Variants in CHD1 observed in about 807,000 individuals in gnomAD.
CHD1 encodes the protein ATP-dependent chromatin remodeler CHD1.
A neutral mutation model predicts 224.2 loss-of-function variants in CHD1; 36 were observed. The observed-to-expected ratio is 0.16, with a 90% CI of 0.12 to 0.21. The LOEUF (loss-of-function observed/expected upper bound fraction) is 0.21. CHD1 is among the 10% of genes least tolerant of loss of function. The pLI, the probability that CHD1 is intolerant of heterozygous loss-of-function variation, is 1.00. For synonymous variants in CHD1, 668 were observed against 658.3 expected (o/e 1.01, Z -0.23); for missense variants, 1,378 against 1,994.8 (o/e 0.69, Z 5.89).
At chr5:98,875,024 A>C (rs1029765501) in intron 25 of CHD1, 48 bp downstream of exon 25, 5 of 924,514 alleles carry the variant, frequency 5.4e-6, no homozygotes, top group Admixed American at 2.2e-5. Flanking sequence ...TAAAGGTGAC[A>C]GCATGTAACA....
intron 28 of CHD1, among the ~76,000 whole-genome samples, chr5:98,871,153 G>A (rs190520245): frequency 1.4e-4 from 21 of 151,766 alleles, no homozygotes; most frequent in African/African-American, 4.6e-4. Context: ...CAGTAAAAGT[G>A]TACTTATATA....
chr5:98,884,078 GTTTTTTT>G (rs201222124), intron 18 of CHD1, among the ~76,000 whole-genome samples: 1 of 130,956 alleles, frequency 7.6e-6, no homozygotes, highest in Non-Finnish European at 1.7e-5. Context: ...TTTGTTTTTT[GTTTTTTT>G]TTTTTTGAGA....
At chr5:98,889,764 G>C (rs1750889089) in intron 15 of CHD1, 1 of 151,966 alleles carries the variant, frequency 6.6e-6, no homozygotes, top group African/African-American at 2.4e-5. Context: ...ACTAAAACTG[G>C]ACCAATACAG....
intron 2 of CHD1, among the ~76,000 whole-genome samples, chr5:98,908,454 T>C (rs1003779823): frequency 1.3e-5 from 2 of 152,188 alleles, no homozygotes; most frequent in African/African-American, 4.8e-5. Context: ...AGACCTTATG[T>C]TCCTTGAGCG....
intron 25 of CHD1, among the ~76,000 whole-genome samples, chr5:98,874,386 G>A (rs990174779): frequency 1.3e-5 from 2 of 151,976 alleles, no homozygotes; most frequent in South Asian, 4.2e-4. Flanking sequence ...ATAAGAGAAT[G>A]AATTTGAGAA....
At chr5:98,890,769 TAC>T (rs1251677710) in intron 15 of CHD1, among the ~76,000 whole-genome samples, 2 of 152,166 alleles carry the variant, frequency 1.3e-5, no homozygotes, top group Non-Finnish European at 2.9e-5. Context: ...CTGTAGGAAA[TAC>T]AGAGGATACT....
At chr5:98,873,859 A>G (rs949433036) in intron 25 of CHD1, 136 bp from the exon 26 acceptor site, 6 of 650,044 alleles carry the variant, frequency 9.2e-6, no homozygotes, top group Middle Eastern at 6.2e-4. Flanking sequence ...CATAAATGGC[A>G]GGAAACACAT....
chr5:98,924,010 C>T (rs1271088768), intron 2 of CHD1, among the ~76,000 whole-genome samples: 1 of 152,160 alleles, frequency 6.6e-6, no homozygotes, highest in African/African-American at 2.4e-5. Context: ...AATCCCAACA[C>T]TTTGGGAGGC....
At position 98,928,825 on chromosome 5, in the gene CHD1, C is replaced by CGTCGCG. The variant is rs2112702404; in HGVS notation, c.-441_-436dup. 1 of 160,246 alleles carries CGTCGCG rather than the reference C, an allele frequency of 6.2e-6. No homozygotes were observed. The highest frequency in any genetic ancestry group is 1.6e-4 in the South Asian group (1 of 6,152). 9.9% of individuals were successfully genotyped at this position (160,246 alleles called of 1,614,324 possible). ...CAGTCGTCGCCGCCGCCGCCGCCGC[C>CGTCGCG]GTCGCGCGCGCGCTCCCGCTCCCTC... On this transcript the variant is annotated 5_prime_UTR_variant, in exon 1 of 36. Transcript: ENST00000614616.
rs747225398 is a variant in CHD1 at position 98,900,972 on chromosome 5, C to T, written c.698G>A (p.Arg233His). ...EDYDNDKRSSRRQATVNVSYK... is the reference protein window; with the variant it reads ...EDYDNDKRSSHRQATVNVSYK... ...GCTAACATTAACAGTTGCTTGGCGA[C>T]GAGAACTTCTTTTATCATTATCATA... Residue 233 changes from arginine to histidine, a missense_variant, in exon 7 of 36, where the codon CGT becomes CAT. By Grantham distance (29) the Arg-to-His change is conservative. Coordinates refer to ENST00000614616, the MANE Select transcript of CHD1 (RefSeq NM_001270.4). 1 of 1,613,974 alleles carries T rather than the reference C, an allele frequency of 6.2e-7. No individual in the cohort carries two copies. The highest frequency in any genetic ancestry group is 8.5e-7 in the Non-Finnish European group (1 of 1,179,970).
At chr5:98,879,281 A>C (rs1437797212) in intron 23 of CHD1, among the ~76,000 whole-genome samples, 1 of 152,164 alleles carries the variant, frequency 6.6e-6, no homozygotes. Context: ...TTAAATCAAA[A>C]GCAGAAAGGA....
intron 15 of CHD1, among the ~76,000 whole-genome samples, chr5:98,889,465 A>C (rs1007890643): frequency 2.0e-5 from 3 of 152,210 alleles, no homozygotes; most frequent in Non-Finnish European, 4.4e-5. Context: ...CTAATGTAAC[A>C]TAATTATTAC....
At chr5:98,897,097 A>G in intron 11 of CHD1, 96 bp downstream of exon 11, 1 of 1,173,668 alleles carries the variant, frequency 8.5e-7, no homozygotes, top group Non-Finnish European at 1.2e-6. Context: ...ACTGCCAAAG[A>G]GTCTTATTCT....
At position 98,869,848 on chromosome 5, in the gene CHD1, T is replaced by C. The variant is rs1483910921; in HGVS notation, c.4013A>G (p.Lys1338Arg). 3.7e-6 allele frequency: 6 copies of C among 1,607,304 alleles called. No homozygotes were observed. The highest frequency in any genetic ancestry group is 1.7e-5 in the Admixed American group (1 of 59,926). The change falls in exon 30 of 36, where the codon AAG becomes AGG. Residue 1338 changes from lysine to arginine, a missense_variant. Lys to Arg is a conservative substitution (Grantham distance 26). Transcript: ENST00000614616. ...TTTTATAGACTTCATTGCTTTATTC[T>C]TCTTAGCTCTTGCTTTTCTCCTCTT... ...SSKRRKARAK[K>R]NKAMKSIKVK...
intron 14 of CHD1, 66 bp downstream of exon 14, chr5:98,893,350 A>C (rs1489740256): frequency 9.4e-7 from 1 of 1,062,468 alleles, no homozygotes; most frequent in African/African-American, 1.7e-5. Context: ...TGACCTTATT[A>C]CCTGGGTTTA....
At chr5:98,870,210 C>T (rs561174855) in intron 29 of CHD1, among the ~76,000 whole-genome samples, 16 of 152,208 alleles carry the variant, frequency 1.1e-4, no homozygotes, top group East Asian at 3.9e-4. Flanking sequence ...TGATTTTTAA[C>T]GCTACACAGG....
At chr5:98,910,500 T>C (rs1712340093) in intron 2 of CHD1, among the ~76,000 whole-genome samples, 1 of 152,272 alleles carries the variant, frequency 6.6e-6, no homozygotes. Context: ...TGTTGCTTTA[T>C]TTACTTGGAT....
At chr5:98,868,105 TCC>T (rs1749036652) in intron 31 of CHD1, among the ~76,000 whole-genome samples, 1 of 151,792 alleles carries the variant, frequency 6.6e-6, no homozygotes, top group African/African-American at 2.4e-5. Context: ...CAGGCTTATC[TCC>T]CTTTTACGCC....
chr5:98,879,227 C>T (rs1749988441), intron 23 of CHD1, among the ~76,000 whole-genome samples: 1 of 151,942 alleles, frequency 6.6e-6, no homozygotes, highest in East Asian at 1.9e-4. Flanking sequence ...GAGCAAGATG[C>T]TGTCACCAAA....
Sources: allele counts gnomAD v4.1 joint callset (sites outside exome capture counted in the v4.1 genomes callset), GRCh38; gene constraint gnomAD v4.1.1; transcripts MANE v1.5; gene names NCBI Gene and HGNC (gene_info 2026-07-23, HGNC 2026-07-21).